The following KCNK9 variants were observed in gnomAD, a reference collection of about 807,000 sequenced individuals.
The protein encoded by KCNK9 is potassium channel subfamily K member 9.
A neutral mutation model predicts 10.8 loss-of-function variants in KCNK9; 1 was observed. The observed-to-expected ratio is 0.09, with a 90% confidence interval of 0.03 to 0.44. The LOEUF is 0.44. Ranked by LOEUF, KCNK9 falls within the 20% of genes least tolerant of loss-of-function variation. KCNK9 has a pLI of 0.97. For missense variants in KCNK9, 303 were observed against 515.0 expected (o/e 0.59, Z 3.98); for synonymous variants, 231 against 222.7 (o/e 1.04, Z -0.33).
intron 1 of KCNK9, among the ~76,000 whole-genome samples, chr8:139,654,877 GCA>G (rs1269735585): frequency 3.5e-4 from 53 of 152,276 alleles, no homozygotes; most frequent in South Asian, 1.0e-3. Context: ...GGGTGCAGAG[GCA>G]GGCGGCTAGA....
At position 139,693,078 on chromosome 8, in the gene KCNK9, A is replaced by G. The variant is rs1294894832; in HGVS notation, c.283+9632T>C. Among the ~76,000 whole-genome samples the G allele has an allele frequency of 6.6e-6, 1 of 152,220 alleles. No individual in the cohort carries two copies. The highest frequency in any genetic ancestry group is 1.9e-4 in the East Asian group (1 of 5,172). On this transcript the variant is annotated intron_variant, in intron 1 of 1. Transcript: ENST00000520439. The surrounding 1 kb of genome is among the most constrained non-coding windows in gnomAD (Gnocchi z 4.1). ...CACCTGACAAGCTCATCCCAGATGT[A>G]TGCCCACCTTCCACACCTCTGACAA...
rs558524327 is a variant in KCNK9 at position 139,659,480 on chromosome 8, CT to C, written c.284-40382del. Among the ~76,000 whole-genome samples the C allele has an allele frequency of 7.5e-3, 1,135 of 152,170 alleles. 11 individuals carry two copies. The highest frequency in any genetic ancestry group is 0.026 in the African/African-American group (1,080 of 41,478). ...CCTCTCTCTGGCTTGGACCCTACCC[CT>C]GTATTGGTGTGGAAAGATCTCGAGG... On this transcript the variant is annotated intron_variant, in intron 1 of 1. Transcript: ENST00000520439.
chr8:139,684,005 G>C (rs1033137019), intron 1 of KCNK9, among the ~76,000 whole-genome samples: 2 of 152,222 alleles, frequency 1.3e-5, no homozygotes, highest in Non-Finnish European at 2.9e-5. Context: ...GAACAGAGAT[G>C]TGATAAACCC....
intron 1 of KCNK9, among the ~76,000 whole-genome samples, chr8:139,666,758 T>A (rs1227253705): frequency 3.3e-5 from 5 of 152,392 alleles, no homozygotes; most frequent in African/African-American, 1.2e-4. Flanking sequence ...AGTTGGCACA[T>A]CACCAGCTCT....
intron 1 of KCNK9, among the ~76,000 whole-genome samples, chr8:139,668,058 C>A (rs1303149288): frequency 6.6e-6 from 1 of 152,180 alleles, no homozygotes; most frequent in Non-Finnish European, 1.5e-5. Flanking sequence ...TCTATTGGCA[C>A]CATTTTTCCA....
At chr8:139,621,035 C>A (rs1448269284) in intron 1 of KCNK9, among the ~76,000 whole-genome samples, 1 of 152,186 alleles carries the variant, frequency 6.6e-6, no homozygotes, top group Admixed American at 6.5e-5. Flanking sequence ...GTAATCCCAG[C>A]ACTTTGGGAG....
At chr8:139,700,620 G>A (rs531368874) in intron 1 of KCNK9, among the ~76,000 whole-genome samples, 4 of 152,034 alleles carry the variant, frequency 2.6e-5, no homozygotes, top group South Asian at 2.1e-4. Context: ...AGAAGGAAGC[G>A]AGGAAAATCA....
At chr8:139,657,587 A>T (rs1816052614) in intron 1 of KCNK9, among the ~76,000 whole-genome samples, 1 of 152,066 alleles carries the variant, frequency 6.6e-6, no homozygotes, top group Non-Finnish European at 1.5e-5. Context: ...AGAGCCAGAG[A>T]GCAATAGCGC....
intron 1 of KCNK9, among the ~76,000 whole-genome samples, chr8:139,639,718 G>A (rs1256743885): frequency 6.6e-6 from 1 of 152,216 alleles, no homozygotes; most frequent in East Asian, 1.9e-4. Flanking sequence ...GTCTCTGGGT[G>A]ACAAGACCCC....
At chr8:139,643,706 C>T (rs1028290688) in intron 1 of KCNK9, among the ~76,000 whole-genome samples, 4 of 152,200 alleles carry the variant, frequency 2.6e-5, no homozygotes, top group African/African-American at 9.6e-5. Context: ...CCACCCCACC[C>T]CTGAGATGCA....
rs527715982 is a variant in KCNK9, at chr8:139,675,133, G to A, written c.283+27577C>T. 1.6e-3 allele frequency among the ~76,000 whole-genome samples: 245 copies of A among 152,316 alleles called. 6 individuals carry two copies. The highest frequency in any genetic ancestry group is 0.016 in the Admixed American group (240 of 15,304). ...ATCCACCAACCCCAAAAGGAGCAGC[G>A]GTGGAGGAGCAAATGACGTAATAAG... On this transcript the variant is annotated intron_variant, in intron 1 of 1. Transcript: ENST00000520439.
intron 1 of KCNK9, among the ~76,000 whole-genome samples, chr8:139,669,021 G>C (rs78952014): frequency 0.011 from 1,600 of 152,006 alleles, 33 homozygotes; most frequent in African/African-American, 0.037. Context: ...GCATCCAAAA[G>C]TTCTATTTAC....
downstream of KCNK9, among the ~76,000 whole-genome samples, chr8:139,614,497 A>G (rs1814521430): frequency 1.3e-5 from 2 of 152,180 alleles, no homozygotes; most frequent in African/African-American, 2.4e-5. Context: ...GAGCGCGCAG[A>G]TGCTTCCAAG....
chr8:139,679,154 C>A (rs1395720796), intron 1 of KCNK9, among the ~76,000 whole-genome samples: 1 of 152,220 alleles, frequency 6.6e-6, no homozygotes, highest in Non-Finnish European at 1.5e-5. Context: ...ACGGGCCCAG[C>A]TAAAAATACC....
rs538146322 is a variant in KCNK9, at chr8:139,699,959, A to G, written c.283+2751T>C. On this transcript the variant is annotated intron_variant, in intron 1 of 1. Coordinates refer to ENST00000520439, the MANE Select transcript of KCNK9 (RefSeq NM_001282534.2). ...GGTTAGATTAAAAATCAAAACGCCA[A>G]TGAAGATTAACCTGACTCATTAATA... Among the ~76,000 whole-genome samples, 5 of 152,340 alleles carry G rather than the reference A, an allele frequency of 3.3e-5. No homozygotes were observed. The South Asian group carries it at 8.3e-4, about 25-fold the overall frequency.
At chr8:139,609,321 A>G (rs1814345922), downstream of KCNK9, among the ~76,000 whole-genome samples, 1 of 139,236 alleles carries the variant, frequency 7.2e-6, no homozygotes, top group African/African-American at 2.7e-5. Flanking sequence ...ACGGTGCTAC[A>G]CTATATGCAA....
chr8:139,610,224 A>C (rs1814378518), downstream of KCNK9, among the ~76,000 whole-genome samples: 1 of 152,164 alleles, frequency 6.6e-6, no homozygotes, highest in Admixed American at 6.5e-5. Context: ...GCACTCCTGG[A>C]TCATCTGACA....
intron 1 of KCNK9, among the ~76,000 whole-genome samples, chr8:139,679,659 C>T (rs546005104): frequency 2.0e-5 from 3 of 152,292 alleles, no homozygotes; most frequent in East Asian, 1.9e-4. Context: ...ACAGAGCTTG[C>T]CCAAGGTTAC....
intron 1 of KCNK9, among the ~76,000 whole-genome samples, chr8:139,691,863 A>G (rs1816939649): frequency 6.6e-6 from 1 of 152,234 alleles, no homozygotes; most frequent in Admixed American, 6.5e-5. Flanking sequence ...TTTGAGAAGC[A>G]GCATGCCCCA....
Sources: gnomAD v4.1 joint callset for allele counts (sites outside exome capture counted in the v4.1 genomes callset) on GRCh38, gnomAD v4.1.1 for gene constraint, Gnocchi (gnomAD v3.1) non-coding constraint, MANE v1.5 for transcripts, NCBI Gene and HGNC (gene_info 2026-07-23, HGNC 2026-07-21) for gene names.